The following CUL5 variants were observed in gnomAD, a reference collection of about 807,000 sequenced individuals.
CUL5 encodes cullin-5.
In CUL5, 26 loss-of-function variants were observed where a neutral mutation model predicts 108.8. The ratio of observed to expected loss-of-function variants is 0.24; its 90% CI spans 0.18 to 0.33. The LOEUF (loss-of-function observed/expected upper bound fraction) is 0.33, where lower values mean the gene tolerates loss of function less well. Ranked by LOEUF, CUL5 falls within the 10% of genes least tolerant of loss-of-function variation. The pLI, the probability that CUL5 is intolerant of heterozygous loss-of-function variation, is 1.00. For synonymous variants in CUL5, 334 were observed against 298.0 expected (o/e 1.12, Z -1.25); for missense variants, 524 against 909.2 (o/e 0.58, Z 5.45).
chr11:108,016,925 G>A lies in CUL5; in HGVS notation c.24+7553G>A, dbSNP rs189598490. Among the ~76,000 whole-genome samples, 186 of 152,294 alleles carry A rather than the reference G, an allele frequency of 1.2e-3. 1 individual carries two copies. Among genetic ancestry groups the A allele is most frequent in the Admixed American group, 2.3e-3 (35 of 15,298 alleles). Reference sequence around the variant, plus strand: ...GGATCATTTGAGGCCAGGAGTTGGAGACTAGATTGGGCAGCATAGCAAGAC... The same window carrying A: ...GGATCATTTGAGGCCAGGAGTTGGAAACTAGATTGGGCAGCATAGCAAGAC... On this transcript the variant is annotated intron_variant, in intron 1 of 18. Transcript: ENST00000393094.
Position 108,052,953 on chromosome 11 carries a change from T to G in CUL5, c.553+152T>G, listed in dbSNP as rs1295003340. On this transcript the variant is annotated intron_variant, in intron 5 of 18. Coordinates refer to ENST00000393094, the MANE Select transcript of CUL5 (RefSeq NM_003478.6). ...TTTTTTGAGAGTAAGCAAATGATAATTCTGCTTAAAAGAATGTATAAAAAT... is the reference window on the plus strand; with the variant it reads ...TTTTTTGAGAGTAAGCAAATGATAAGTCTGCTTAAAAGAATGTATAAAAAT... The G allele has an allele frequency of 2.1e-5, 12 of 569,632 alleles. No individual in the cohort carries two copies. In the East Asian group the frequency reaches 3.3e-4, roughly 16 times the overall value. 35.3% of individuals were successfully genotyped at this position (569,632 alleles called of 1,614,324 possible).
chr11:108,065,611 G>A (rs1481570467), intron 7 of CUL5, among the ~76,000 whole-genome samples: 1 of 152,142 alleles, frequency 6.6e-6, no homozygotes, highest in African/African-American at 2.4e-5. Flanking sequence ...TCTCACAGTT[G>A]CTGCTCTCTC....
At chr11:108,032,099 A>G (rs1197933744) in intron 1 of CUL5, among the ~76,000 whole-genome samples, 1 of 152,188 alleles carries the variant, frequency 6.6e-6, no homozygotes, top group African/African-American at 2.4e-5. Flanking sequence ...AATCTGTACA[A>G]CAAATCCCCA....
At chr11:108,088,244 T>C (rs1864270327) in intron 11 of CUL5, among the ~76,000 whole-genome samples, 1 of 152,188 alleles carries the variant, frequency 6.6e-6, no homozygotes, top group South Asian at 2.1e-4. Context: ...TAATTATCAT[T>C]GCCAAGGTCA....
chr11:108,088,235 A>C (rs1864269832), intron 11 of CUL5, among the ~76,000 whole-genome samples: 1 of 152,186 alleles, frequency 6.6e-6, no homozygotes, highest in South Asian at 2.1e-4. Context: ...AAAAAATTTT[A>C]ATTATCATTG....
At position 108,017,681 on chromosome 11, in the gene CUL5, C is replaced by T. The variant is rs921228220; in HGVS notation, c.24+8309C>T. 3.9e-5 allele frequency among the ~76,000 whole-genome samples: 6 copies of T among 152,238 alleles called. No homozygotes were observed. In the South Asian group the frequency reaches 1.2e-3, roughly 32 times the overall value. On this transcript the variant is annotated intron_variant, in intron 1 of 18. Coordinates refer to ENST00000393094, the MANE Select transcript of CUL5 (RefSeq NM_003478.6). ...TCTGGGCAACATAGTAAGACCTCAT[C>T]TCTACAAAAAATTTAATAATTATCC...
chr11:108,024,517 T>C (rs562932227), intron 1 of CUL5, among the ~76,000 whole-genome samples: 1 of 152,328 alleles, frequency 6.6e-6, no homozygotes, highest in African/African-American at 2.4e-5. Flanking sequence ...TTTGGAACAG[T>C]ACAGCACCTA....
chr11:108,066,876 T>C (rs866437236), intron 7 of CUL5, among the ~76,000 whole-genome samples: 6 of 152,358 alleles, frequency 3.9e-5, no homozygotes, highest in African/African-American at 1.4e-4. Flanking sequence ...TACACATGTT[T>C]TTAGGTATAT....
intron 1 of CUL5, among the ~76,000 whole-genome samples, chr11:108,023,590 A>G (rs1862380436): frequency 6.6e-6 from 1 of 152,222 alleles, no homozygotes; most frequent in South Asian, 2.1e-4. Flanking sequence ...GAGTCCATGT[A>G]CTACAGTTTA....
chr11:108,043,669 C>T (rs1325681375), intron 2 of CUL5, among the ~76,000 whole-genome samples: 3 of 152,098 alleles, frequency 2.0e-5, no homozygotes, highest in African/African-American at 7.2e-5. Context: ...CTTCAATTTC[C>T]CCATCTGTAA....
Position 108,033,826 on chromosome 11 carries a change from G to A in CUL5, c.49G>A (p.Asp17Asn), listed in dbSNP as rs779601119. 2 of 1,607,434 alleles carry A rather than the reference G, an allele frequency of 1.2e-6. No individual in the cohort carries two copies. The highest frequency in any genetic ancestry group is 1.7e-6 in the Non-Finnish European group (2 of 1,176,130). Residue 17 changes from aspartate (D) to asparagine (N), a missense_variant, in exon 2 of 19, where the codon GAC becomes AAC. Transcript: ENST00000393094. The stretch of plus-strand genomic sequence containing the variant: ...GAATAAAGGTTCTCTTCAGTTTGAA[G>A]ACAAATGGGATTTTATGCGCCCGAT... ...LKNKGSLQFE[D>N]KWDFMRPIVL...
rs745871372 is a variant in CUL5, at chr11:108,094,807, T to A, written c.1568-5T>A. 2 of 1,584,076 alleles carry A rather than the reference T, an allele frequency of 1.3e-6. No individual in the cohort carries two copies. Among genetic ancestry groups the A allele is most frequent in the South Asian group, 2.3e-5 (2 of 86,002 alleles). On this transcript the variant is annotated splice_polypyrimidine_tract_variant and splice_region_variant and intron_variant, in intron 14 of 18. Transcript: ENST00000393094. The stretch of plus-strand genomic sequence containing the variant: ...ACTTTATATTCCTGATATTCTTCTC[T>A]ATAGCTGATTCAGTTAATATAAAAA...
At position 108,105,619 on chromosome 11, in the gene CUL5, A is replaced by G. The variant is rs1414830485; in HGVS notation, c.*1235A>G. The G allele has an allele frequency of 1.3e-5, 2 of 152,188 alleles. No homozygotes were observed. The highest frequency in any genetic ancestry group is 2.4e-5 in the African/African-American group (1 of 41,458). 9.4% of individuals were successfully genotyped at this position (152,188 alleles called of 1,614,324 possible). A position where few individuals can be genotyped will look rare whatever the true frequency, so the allele number is the denominator to read the frequency against. ...TCAGTCTATCCAAAGTAGCAACTTA[A>G]CTAGTTGCTGGCAACTGAATACCCA... is the stretch of plus-strand genomic sequence containing the variant. On this transcript the variant is annotated 3_prime_UTR_variant, in exon 19 of 19. Coordinates refer to ENST00000393094, the MANE Select transcript of CUL5 (RefSeq NM_003478.6).
intron 1 of CUL5, among the ~76,000 whole-genome samples, chr11:108,030,909 T>C (rs1862564690): frequency 6.6e-6 from 1 of 152,222 alleles, no homozygotes; most frequent in African/African-American, 2.4e-5. Flanking sequence ...GGAATCTGTA[T>C]GTGTAATCAC....
intron 13 of CUL5, among the ~76,000 whole-genome samples, chr11:108,089,982 G>T (rs1864310714): frequency 6.6e-6 from 1 of 151,714 alleles, no homozygotes; most frequent in Non-Finnish European, 1.5e-5. Flanking sequence ...GGAGGTTGCA[G>T]TGAGCCAAGA....
chr11:108,009,732 C>T (rs1369235018), intron 1 of CUL5, among the ~76,000 whole-genome samples: 1 of 152,188 alleles, frequency 6.6e-6, no homozygotes, highest in Non-Finnish European at 1.5e-5. Flanking sequence ...AAAGCAATGT[C>T]TAAGACGCAT....
intron 5 of CUL5, among the ~76,000 whole-genome samples, chr11:108,053,678 C>CTTT (rs35844502): frequency 2.3e-5 from 3 of 129,330 alleles, no homozygotes; most frequent in Middle Eastern, 3.6e-3. Flanking sequence ...GTATACCATG[C>CTTT]TTTTTTTTTT....
chr11:108,014,679 T>C (rs1221180254), intron 1 of CUL5, among the ~76,000 whole-genome samples: 1 of 152,200 alleles, frequency 6.6e-6, no homozygotes, highest in East Asian at 1.9e-4. Flanking sequence ...GGGAAATACA[T>C]TTATTCATTG....
At chr11:108,102,936 C>T (rs1864707208) in intron 18 of CUL5, among the ~76,000 whole-genome samples, 2 of 151,856 alleles carry the variant, frequency 1.3e-5, no homozygotes, top group South Asian at 4.2e-4. Flanking sequence ...GCGGGGACCA[C>T]AGACACACGC....
Sources: allele counts gnomAD v4.1 joint callset (sites outside exome capture counted in the v4.1 genomes callset), GRCh38; gene constraint gnomAD v4.1.1; transcripts MANE v1.5; gene names NCBI Gene and HGNC (gene_info 2026-07-23, HGNC 2026-07-21).